Variants in KHDRBS2 observed in about 807,000 individuals in gnomAD.
KHDRBS2 encodes KH RNA binding domain containing, signal transduction associated 2.
KHDRBS2 carries 26 observed loss-of-function variants against 44.3 expected under a neutral mutation model. The observed-to-expected ratio is 0.59, with a 90% CI of 0.43 to 0.81. The LOEUF (loss-of-function observed/expected upper bound fraction) is 0.81, where lower values mean the gene tolerates loss of function less well. Among genes scored for constraint, KHDRBS2 ranks in the 40% least tolerant of loss-of-function variants. The pLI, the probability that KHDRBS2 is intolerant of heterozygous loss-of-function variation, is 0.00. For missense variants in KHDRBS2, 476 were observed against 433.1 expected (o/e 1.10, Z -0.88); for synonymous variants, 194 against 151.1 (o/e 1.28, Z -2.08).
chr6:62,269,304 C>A (rs560999301), intron 1 of KHDRBS2, among the ~76,000 whole-genome samples: 3 of 152,020 alleles, frequency 2.0e-5, no homozygotes, highest in African/African-American at 7.2e-5. Flanking sequence ...AAAAGCTGAG[C>A]CACATATTAG....
At chr6:62,083,344 C>T (rs555632674) in intron 2 of KHDRBS2, among the ~76,000 whole-genome samples, 1 of 152,270 alleles carries the variant, frequency 6.6e-6, no homozygotes, top group South Asian at 2.1e-4. Context: ...TCCCCTTTCC[C>T]CATCCTATTG....
chr6:62,081,399 T>C (rs1328549313), intron 2 of KHDRBS2, among the ~76,000 whole-genome samples: 3 of 152,138 alleles, frequency 2.0e-5, no homozygotes, highest in Non-Finnish European at 4.4e-5. Context: ...CTAATATTTT[T>C]CAATGGGAAA....
the KHDRBS2 span, among the ~76,000 whole-genome samples, chr6:61,649,076 G>A: frequency 3.9e-5 from 6 of 152,128 alleles, no homozygotes; most frequent in Admixed American, 3.9e-4. Context: ...CTCACGTGGA[G>A]GAAGTCCTTC....
intron 2 of KHDRBS2, among the ~76,000 whole-genome samples, chr6:62,090,497 T>C (rs920346095): frequency 1.3e-5 from 2 of 152,138 alleles, no homozygotes; most frequent in East Asian, 1.9e-4. Flanking sequence ...AGCAGGGCTA[T>C]ATCTGTTAAT....
the KHDRBS2 span, among the ~76,000 whole-genome samples, chr6:61,615,651 C>T: frequency 2.6e-5 from 4 of 152,052 alleles, no homozygotes; most frequent in Non-Finnish European, 5.9e-5. Flanking sequence ...CAAAGTGTTC[C>T]GAATTTGAAA....
the KHDRBS2 span, among the ~76,000 whole-genome samples, chr6:61,598,138 G>T: frequency 6.6e-6 from 1 of 150,800 alleles, no homozygotes; most frequent in South Asian, 2.1e-4. Flanking sequence ...AGTCTGCCTT[G>T]CCTGCTCACT....
At chr6:61,601,832 C>T in the KHDRBS2 span, among the ~76,000 whole-genome samples, 1 of 152,152 alleles carries the variant, frequency 6.6e-6, no homozygotes, top group Non-Finnish European at 1.5e-5. Context: ...CCTACTCACA[C>T]CTGGTCCAGC....
intron 1 of KHDRBS2, among the ~76,000 whole-genome samples, chr6:62,279,495 A>C (rs181628983): frequency 2.8e-3 from 432 of 152,362 alleles, no homozygotes; most frequent in Non-Finnish European, 4.5e-3. Flanking sequence ...GAAGGCAAGC[A>C]TTAAAAATTC....
At chr6:61,736,045 T>A (rs940507989) in intron 6 of KHDRBS2, among the ~76,000 whole-genome samples, 1 of 151,950 alleles carries the variant, frequency 6.6e-6, no homozygotes, top group African/African-American at 2.4e-5. Flanking sequence ...GCTCTTTCAA[T>A]CTAGAGGCTT....
rs1796541078 is a variant in KHDRBS2, at chr6:62,077,327, A to T, written c.220-29333T>A. Among the ~76,000 whole-genome samples the T allele has an allele frequency of 2.6e-5, 4 of 151,976 alleles. No homozygotes were observed. The South Asian group carries it at 8.3e-4, about 32-fold the overall frequency. ...ATTATGAAATTGCCTGCCAGGCCTTATGGGGATGGGAGGGAAGCTGCCCTT... is the reference window on the plus strand; with the variant it reads ...ATTATGAAATTGCCTGCCAGGCCTTTTGGGGATGGGAGGGAAGCTGCCCTT... On this transcript the variant is annotated intron_variant, in intron 2 of 8. Transcript: ENST00000281156.
chr6:61,762,832 G>C (rs1157788937), intron 6 of KHDRBS2, among the ~76,000 whole-genome samples: 1 of 152,084 alleles, frequency 6.6e-6, no homozygotes, highest in Non-Finnish European at 1.5e-5. Flanking sequence ...TGCAACAAAG[G>C]CTATTTCAGA....
chr6:62,160,568 T>G (rs1261396517), intron 2 of KHDRBS2, among the ~76,000 whole-genome samples: 2 of 152,110 alleles, frequency 1.3e-5, no homozygotes, highest in Non-Finnish European at 2.9e-5. Flanking sequence ...CTGGAACTTT[T>G]TGAGGAGTCA....
intron 3 of KHDRBS2, among the ~76,000 whole-genome samples, chr6:61,984,075 G>A (rs1774532354): frequency 6.6e-6 from 1 of 152,096 alleles, no homozygotes; most frequent in African/African-American, 2.4e-5. Flanking sequence ...ATTTATTGCT[G>A]AAACAGTTTG....
intron 2 of KHDRBS2, among the ~76,000 whole-genome samples, chr6:62,059,498 T>C (rs1262482386): frequency 1.3e-5 from 2 of 151,626 alleles, no homozygotes; most frequent in African/African-American, 4.8e-5. Flanking sequence ...CAATTTATTA[T>C]ATTAAGTTGG....
chr6:62,008,421 T>C (rs544303513), intron 3 of KHDRBS2, among the ~76,000 whole-genome samples: 1 of 152,202 alleles, frequency 6.6e-6, no homozygotes, highest in Non-Finnish European at 1.5e-5. Flanking sequence ...GAATAAAATA[T>C]ATATGTACAT....
chr6:61,583,889 G>GT, the KHDRBS2 span, among the ~76,000 whole-genome samples: 1 of 144,734 alleles, frequency 6.9e-6, no homozygotes, highest in Non-Finnish European at 1.5e-5. Context: ...ACTATAAAAT[G>GT]TTTCATAGTT....
intron 1 of KHDRBS2, among the ~76,000 whole-genome samples, chr6:62,200,074 A>T (rs1342673407): frequency 6.6e-6 from 1 of 152,216 alleles, no homozygotes; most frequent in Non-Finnish European, 1.5e-5. Context: ...CACCTTATAC[A>T]AAAATTAATT....
intron 1 of KHDRBS2, among the ~76,000 whole-genome samples, chr6:62,239,953 G>T (rs1420378486): frequency 6.6e-6 from 1 of 151,992 alleles, no homozygotes; most frequent in Non-Finnish European, 1.5e-5. Flanking sequence ...CCAAAGTGCT[G>T]GGATTACAGG....
intron 3 of KHDRBS2, among the ~76,000 whole-genome samples, chr6:62,004,563 C>T (rs1325565417): frequency 6.6e-6 from 1 of 152,002 alleles, no homozygotes; most frequent in South Asian, 2.1e-4. Context: ...GGATTCACAG[C>T]CGAATTCTAC....
Sources: gnomAD v4.1 joint callset for allele counts (sites outside exome capture counted in the v4.1 genomes callset) on GRCh38, gnomAD v4.1.1 for gene constraint, MANE v1.5 for transcripts, NCBI Gene and HGNC (gene_info 2026-07-23, HGNC 2026-07-21) for gene names.